SUPV3L1: variants seen among roughly 807,000 people sequenced by gnomAD.
SUPV3L1 encodes ATP-dependent RNA helicase SUPV3L1, mitochondrial.
Under a neutral mutation model 70.0 loss-of-function variants are expected in SUPV3L1, and 35 were observed. The observed-to-expected ratio is 0.50, with a 90% CI of 0.38 to 0.66. SUPV3L1 has a LOEUF of 0.66. Ranked by LOEUF, SUPV3L1 falls within the 30% of genes least tolerant of loss-of-function variation. The probability of loss-of-function intolerance (pLI) is 0.00; values close to 1 mark genes in which losing one functional copy is unlikely to be tolerated. For missense variants in SUPV3L1, 777 were observed against 961.5 expected (o/e 0.81, Z 2.54); for synonymous variants, 364 against 341.9 (o/e 1.06, Z -0.71).
chr10:69,198,376 G>C lies in SUPV3L1; in HGVS notation c.1028G>C (p.Arg343Pro). The part of the protein sequence containing the change: ...MYTTGEEVEV[R>P]DYKRLTPISV... ...CATTTCATGTCTTTATTGTAGGTTC[G>C]AGACTATAAGAGGCTTACCCCCATT... The change falls in exon 9 of 15, where the codon CGA becomes CCA. Residue 343 changes from arginine to proline, a missense_variant. Transcript: ENST00000359655. 3 of 1,594,198 alleles carry C rather than the reference G, an allele frequency of 1.9e-6. No homozygotes were observed. Among genetic ancestry groups the C allele is most frequent in the Non-Finnish European group, 2.6e-6 (3 of 1,171,900 alleles).
In SUPV3L1 at chr10:69,202,953, G is replaced by A. The variant is rs374255373; in HGVS notation, c.1686G>A (p.Gln562=). Residue 562 remains glutamine, a synonymous_variant, in exon 13 of 15, where the codon CAG becomes CAA. Coordinates refer to ENST00000359655, the MANE Select transcript of SUPV3L1 (RefSeq NM_003171.5). The part of the protein sequence containing the change: ...DDFKFSAELI[Q]HIPLSLRVRY... ...TTAAATTTTCTGCAGAGTTGATCCA[G>A]CATATTCCACTAAGTCTGCGAGTGA... is the stretch of plus-strand genomic sequence containing the variant. 2 of 1,613,976 alleles carry A rather than the reference G, an allele frequency of 1.2e-6. No homozygotes were observed. The highest frequency in any genetic ancestry group is 2.7e-5 in the African/African-American group (2 of 74,900).
At chr10:69,207,116 G>C (rs1001459969) in intron 13 of SUPV3L1, among the ~76,000 whole-genome samples, 8 of 152,186 alleles carry the variant, frequency 5.3e-5, no homozygotes, top group African/African-American at 1.9e-4. Context: ...TTCAGGTACT[G>C]TCTGTCCATA....
chr10:69,191,232 A>ATT (rs11434528), intron 5 of SUPV3L1, among the ~76,000 whole-genome samples: 23,201 of 130,132 alleles, frequency 0.18, 2,675 homozygotes, highest in Non-Finnish European at 0.23. Flanking sequence ...AGCATTGGGA[A>ATT]TTTTTTTTTT....
intron 1 of SUPV3L1, among the ~76,000 whole-genome samples, chr10:69,181,831 A>C (rs1842071288): frequency 1.3e-5 from 2 of 152,210 alleles, no homozygotes; most frequent in Non-Finnish European, 2.9e-5. Context: ...TCCACCTCTC[A>C]ACTGTTAAAA....
chr10:69,193,703 G>T (rs1031434220), intron 6 of SUPV3L1, among the ~76,000 whole-genome samples: 1 of 152,144 alleles, frequency 6.6e-6, no homozygotes, highest in African/African-American at 2.4e-5. Flanking sequence ...GAGCCACCAT[G>T]TCCAGCCTCA....
chr10:69,188,503 T>TTTTGTTCG (rs1842299202), intron 4 of SUPV3L1, among the ~76,000 whole-genome samples: 1 of 150,994 alleles, frequency 6.6e-6, no homozygotes, highest in Non-Finnish European at 1.5e-5. Flanking sequence ...ACTTGATTTT[T>TTTTGTTCG]TTTGTTTGTT....
intron 4 of SUPV3L1, 113 bp downstream of exon 4, chr10:69,187,869 AG>A: frequency 1.0e-5 from 7 of 684,500 alleles, no homozygotes; most frequent in Non-Finnish European, 1.7e-5. Flanking sequence ...AGTCTGGATT[AG>A]GTTGTTTTCC....
intron 1 of SUPV3L1, among the ~76,000 whole-genome samples, chr10:69,184,616 T>C (rs867832395): frequency 6.2e-5 from 9 of 146,062 alleles, no homozygotes; most frequent in South Asian, 2.2e-4. Flanking sequence ...GAAATATAAA[T>C]ACACACACAC....
rs908063028 is a variant in SUPV3L1, at chr10:69,205,682, C to T, written c.1777-2111C>T. On this transcript the variant is annotated intron_variant, in intron 13 of 14. Coordinates refer to ENST00000359655, the MANE Select transcript of SUPV3L1 (RefSeq NM_003171.5). ...CCGAGTAGCTGGGATTACAGGTGCCCGCCACCATGCCTGGCTAATTTTTTG... is the reference window on the plus strand; with the variant it reads ...CCGAGTAGCTGGGATTACAGGTGCCTGCCACCATGCCTGGCTAATTTTTTG... Among the ~76,000 whole-genome samples, 4 of 152,196 alleles carry T rather than the reference C, an allele frequency of 2.6e-5. No homozygotes were observed. The East Asian group carries it at 5.8e-4, about 22-fold the overall frequency.
At chr10:69,196,751 A>T (rs575096783) in intron 7 of SUPV3L1, among the ~76,000 whole-genome samples, 2 of 152,120 alleles carry the variant, frequency 1.3e-5, no homozygotes, top group Admixed American at 1.3e-4. Context: ...TTTCACTCTG[A>T]TAGAGTTGAA....
rs1193508854 is a variant in SUPV3L1 at position 69,191,892 on chromosome 10, T to C, written c.853+126T>C. On this transcript the variant is annotated intron_variant, in intron 6 of 14. Coordinates refer to ENST00000359655, the MANE Select transcript of SUPV3L1 (RefSeq NM_003171.5). ...TACTATCTCGGCTCACTGCGACCTC[T>C]GCCTCCCCAGTTCAAGCGATTCTCC... 5.0e-6 allele frequency: 3 copies of C among 604,536 alleles called. No homozygotes were observed. In the African/African-American group the frequency reaches 5.6e-5, roughly 11 times the overall value. The allele number at this position is 604,536 out of a possible 1,614,324, so 37.4% of individuals were successfully genotyped here. A position where few individuals can be genotyped will look rare whatever the true frequency, so the allele number is the denominator to read the frequency against.
Position 69,191,727 on chromosome 10 carries a change from G to A in SUPV3L1, c.814G>A (p.Val272Ile). 2 of 1,613,752 alleles carry A rather than the reference G, an allele frequency of 1.2e-6. No individual in the cohort carries two copies. The highest frequency in any genetic ancestry group is 8.5e-7 in the Non-Finnish European group (1 of 1,179,878). ...VQPNGKQASH[V>I]SCTVEMCSVT... is the part of the protein sequence containing the mutation. ...GCCAAATGGGAAACAGGCTTCACAT[G>A]TTTCTTGTACAGTTGAGATGTGCAG... The change falls in exon 6 of 15, where the codon GTT becomes ATT. Residue 272 changes from valine (V) to isoleucine (I), a missense_variant. By Grantham distance (29) the Val-to-Ile change is conservative (BLOSUM62 3). Around this residue, in one of 2 missense-constraint regions of SUPV3L1, gnomAD observed 619 missense variants for 823.3 expected, o/e 0.75. Transcript: ENST00000359655.
intron 3 of SUPV3L1, 68 bp downstream of exon 3, chr10:69,186,618 C>T (rs1461705633): frequency 5.2e-6 from 7 of 1,347,408 alleles, no homozygotes; most frequent in Non-Finnish European, 7.4e-6. Flanking sequence ...ACTTCATGCT[C>T]ATTTCTCTAG....
In SUPV3L1 at chr10:69,187,646, T is replaced by C. The variant is rs746908031; in HGVS notation, c.462T>C (p.His154=). 3.1e-6 allele frequency: 5 copies of C among 1,603,232 alleles called. No homozygotes were observed. The South Asian group carries it at 4.5e-5, about 14-fold the overall frequency. ...ATACAGTGTTTTATTTTCCAGCTCA[T>C]GCGGATGATTTATTCCCATTTTTCT... ...VLNDICFGAA[H]ADDLFPFFLR... is the part of the protein sequence containing the mutation. Residue 154 remains histidine (H), a synonymous_variant, in exon 4 of 15, where the codon CAT becomes CAC. Coordinates refer to ENST00000359655, the MANE Select transcript of SUPV3L1 (RefSeq NM_003171.5).
At chr10:69,188,503 TTTTG>T (rs10626418) in intron 4 of SUPV3L1, among the ~76,000 whole-genome samples, 2 of 150,994 alleles carry the variant, frequency 1.3e-5, no homozygotes, top group African/African-American at 4.9e-5. Context: ...ACTTGATTTT[TTTTG>T]TTTGTTTTTG....
At chr10:69,193,081 TA>T (rs1346737961) in intron 6 of SUPV3L1, 1 of 152,160 alleles carries the variant, frequency 6.6e-6, no homozygotes, top group Non-Finnish European at 1.5e-5. Context: ...ATTGAAAATA[TA>T]AAAATGTAAG....
intron 4 of SUPV3L1, 99 bp from the exon 5 acceptor site, chr10:69,189,168 T>G (rs1007726418): frequency 7.7e-7 from 1 of 1,294,584 alleles, no homozygotes; most frequent in Non-Finnish European, 1.1e-6. Flanking sequence ...CTTGTGAACA[T>G]TAAGAGGATA....
chr10:69,185,727 C>A (rs977373257), intron 1 of SUPV3L1, among the ~76,000 whole-genome samples: 7 of 152,068 alleles, frequency 4.6e-5, no homozygotes, highest in Non-Finnish European at 7.4e-5. Context: ...GTCTCTATCT[C>A]CTGACCTCGT....
intron 13 of SUPV3L1, among the ~76,000 whole-genome samples, chr10:69,207,140 A>G (rs1275650631): frequency 6.6e-6 from 1 of 152,152 alleles, no homozygotes; most frequent in Non-Finnish European, 1.5e-5. Context: ...TTAGAACATC[A>G]CATATTCCTA....
Sources: allele counts gnomAD v4.1 joint callset (sites outside exome capture counted in the v4.1 genomes callset), GRCh38; gene constraint gnomAD v4.1.1; regional missense constraint gnomAD v4.1.1; transcripts MANE v1.5; gene names NCBI Gene and HGNC (gene_info 2026-07-23, HGNC 2026-07-21).